CSMD3: variants seen among roughly 807,000 people sequenced by gnomAD.
CSMD3 encodes the protein CUB and Sushi multiple domains 3.
Under a neutral mutation model 435.2 loss-of-function variants are expected in CSMD3, and 177 were observed. The ratio of observed to expected loss-of-function variants is 0.41; its 90% CI spans 0.36 to 0.46. The LOEUF (loss-of-function observed/expected upper bound fraction) is 0.46, where lower values mean the gene tolerates loss of function less well. CSMD3 is among the 20% of genes least tolerant of loss of function. The pLI, the probability that CSMD3 is intolerant of heterozygous loss-of-function variation, is 0.34. For synonymous variants in CSMD3, 1,656 were observed against 1,520.5 expected, an observed-to-expected ratio of 1.09 and a Z score of -2.07; for missense variants, 4,265 against 4,504.6, an observed-to-expected ratio of 0.95 and a Z score of 1.52.
In CSMD3 at chr8:112,610,446, T is replaced by C. The variant is rs553154571; in HGVS notation, c.3716-23211A>G. ...CAAATACAGTTTCAACTGTCTAATA[T>C]TTCCCTAGTTCCCACTATCACATTT... On this transcript the variant is annotated intron_variant, in intron 22 of 70. Coordinates refer to ENST00000297405, the MANE Select transcript of CSMD3 (RefSeq NM_198123.2). Among the ~76,000 whole-genome samples the C allele has an allele frequency of 6.6e-5, 10 of 152,260 alleles. No individual in the cohort carries two copies. The South Asian group carries it at 1.9e-3, about 28-fold the overall frequency.
chr8:113,065,749 T>G (rs1436615965), intron 5 of CSMD3, among the ~76,000 whole-genome samples: 1 of 152,106 alleles, frequency 6.6e-6, no homozygotes, highest in East Asian at 1.9e-4. Flanking sequence ...CTTCAGACCC[T>G]CCATTATGAT....
chr8:112,242,380 T>C (rs1348071060), intron 65 of CSMD3, among the ~76,000 whole-genome samples: 1 of 152,104 alleles, frequency 6.6e-6, no homozygotes, highest in Non-Finnish European at 1.5e-5. Context: ...AACAATGTAA[T>C]GTCTTAAAAG....
intron 29 of CSMD3, among the ~76,000 whole-genome samples, chr8:112,504,184 CTT>C (rs1411584558): frequency 1.3e-5 from 2 of 151,780 alleles, no homozygotes; most frequent in Non-Finnish European, 2.9e-5. Context: ...AAGAAAAAAA[CTT>C]GATATTTTTA....
Position 113,295,579 on chromosome 8 carries a change from T to C in CSMD3, c.402-16875A>G, listed in dbSNP as rs977265515. ...GGCCGATTTAGTGGATTGGAAAATA[T>C]GTGAGTTTAAAATAGAATAGTAGAA... On this transcript the variant is annotated intron_variant, in intron 2 of 70. Coordinates refer to ENST00000297405, the MANE Select transcript of CSMD3 (RefSeq NM_198123.2). Among the ~76,000 whole-genome samples the C allele has an allele frequency of 1.8e-4, 27 of 152,278 alleles. No individual in the cohort carries two copies. In the South Asian group the frequency reaches 2.5e-3, roughly 14 times the overall value.
At chr8:113,201,901 A>G (rs1010757194) in intron 3 of CSMD3, among the ~76,000 whole-genome samples, 8 of 151,932 alleles carry the variant, frequency 5.3e-5, no homozygotes, top group African/African-American at 1.9e-4. Context: ...GATTGCTTTT[A>G]TTTTATAAAA....
chr8:112,335,550 AG>A lies in CSMD3; in HGVS notation c.7020-77del, dbSNP rs138509487. On this transcript the variant is annotated intron_variant, in intron 44 of 70. Coordinates refer to ENST00000297405, the MANE Select transcript of CSMD3 (RefSeq NM_198123.2). ...GTAGTTTTGAACCGTATTTAATAAA[AG>A]TATTGCATATATTTATATTCTAACG... The A allele has an allele frequency of 8.5e-4, 1,052 of 1,239,852 alleles. 13 individuals are homozygous for A. In the East Asian group the frequency reaches 0.02, roughly 24 times the overall value. The allele number at this position is 1,239,852 out of a possible 1,614,324, so 76.8% of individuals were successfully genotyped here.
chr8:113,318,753 A>T (rs2093928181), intron 1 of CSMD3, among the ~76,000 whole-genome samples: 1 of 149,006 alleles, frequency 6.7e-6, no homozygotes, highest in South Asian at 2.1e-4. Flanking sequence ...GTTGTAGCAC[A>T]TGGTGGGATT....
At chr8:112,703,197 G>T (rs1447766192) in intron 13 of CSMD3, among the ~76,000 whole-genome samples, 1 of 152,148 alleles carries the variant, frequency 6.6e-6, no homozygotes, top group Non-Finnish European at 1.5e-5. Context: ...GAAACAAAGT[G>T]AGGATCCATC....
intron 4 of CSMD3, among the ~76,000 whole-genome samples, chr8:113,127,368 T>C (rs12680523): frequency 0.12 from 18,845 of 152,020 alleles, 2,051 homozygotes; most frequent in African/African-American, 0.29. Context: ...TATTATGCAT[T>C]CCTTCATTTA....
chr8:113,317,483 C>T (rs1299953033), intron 1 of CSMD3, among the ~76,000 whole-genome samples: 2 of 152,234 alleles, frequency 1.3e-5, no homozygotes, highest in Middle Eastern at 3.4e-3. Context: ...TCATGGATTT[C>T]GAGTACTTTT....
intron 3 of CSMD3, among the ~76,000 whole-genome samples, chr8:113,175,377 C>G (rs989565260): frequency 1.3e-5 from 2 of 151,552 alleles, no homozygotes; most frequent in Non-Finnish European, 3.0e-5. Flanking sequence ...TTTCTTAAAA[C>G]TAGAAAAGTG....
At chr8:112,769,331 A>T (rs142805448) in intron 13 of CSMD3, among the ~76,000 whole-genome samples, 83 of 152,104 alleles carry the variant, frequency 5.5e-4, no homozygotes, top group Non-Finnish European at 1.0e-3. Flanking sequence ...CATGATCTAT[A>T]CAGGGATGCT....
intron 54 of CSMD3, among the ~76,000 whole-genome samples, chr8:112,295,012 T>C (rs769844137): frequency 1.3e-5 from 2 of 152,100 alleles, no homozygotes; most frequent in Non-Finnish European, 2.9e-5. Context: ...CTGAGGAGTA[T>C]ACACTGTACC....
intron 1 of CSMD3, among the ~76,000 whole-genome samples, chr8:113,316,076 A>C (rs895453043): frequency 6.6e-6 from 1 of 152,166 alleles, no homozygotes; most frequent in Non-Finnish European, 1.5e-5. Context: ...TAAGATTAAT[A>C]CAACCGTAAG....
intron 45 of CSMD3, among the ~76,000 whole-genome samples, chr8:112,328,491 C>T (rs1823724089): frequency 2.6e-5 from 4 of 152,068 alleles, no homozygotes; most frequent in Admixed American, 2.6e-4. Flanking sequence ...GTTTCTCTGC[C>T]TCTATAAGGG....
At chr8:113,356,677 T>C (rs2094231114) in intron 1 of CSMD3, among the ~76,000 whole-genome samples, 1 of 152,142 alleles carries the variant, frequency 6.6e-6, no homozygotes, top group Non-Finnish European at 1.5e-5. Flanking sequence ...ATAGTCAATG[T>C]AAATATTTTA....
At chr8:112,336,303 A>G (rs922181734) in intron 44 of CSMD3, among the ~76,000 whole-genome samples, 3 of 152,172 alleles carry the variant, frequency 2.0e-5, no homozygotes, top group Non-Finnish European at 4.4e-5. Context: ...TTAAATAATT[A>G]TAATTTCTTA....
chr8:112,370,812 C>A (rs930245002), intron 38 of CSMD3, among the ~76,000 whole-genome samples: 3 of 152,016 alleles, frequency 2.0e-5, no homozygotes, highest in Admixed American at 6.6e-5. Flanking sequence ...CTGTCTTCAC[C>A]TGATAGAATG....
intron 3 of CSMD3, among the ~76,000 whole-genome samples, chr8:113,232,325 T>C (rs1168037476): frequency 6.6e-6 from 1 of 151,736 alleles, no homozygotes; most frequent in African/African-American, 2.4e-5. Context: ...ATTTGATGAA[T>C]GTTAAAAATG....
Sources: allele counts gnomAD v4.1 joint callset (sites outside exome capture counted in the v4.1 genomes callset), GRCh38; gene constraint gnomAD v4.1.1; transcripts MANE v1.5; gene names NCBI Gene and HGNC (gene_info 2026-07-23, HGNC 2026-07-21).